Variants in EYS observed in about 807,000 individuals in gnomAD.
The protein encoded by EYS is protein eyes shut homolog.
EYS carries 250 observed loss-of-function variants against 282.1 expected under a neutral mutation model. The observed-to-expected ratio is 0.89, with a 90% CI of 0.80 to 0.98. The LOEUF is 0.98. EYS is among the 50% of genes least tolerant of loss of function. EYS has a pLI of 0.00. For synonymous variants in EYS, 1,355 were observed against 1,282.9 expected, an observed-to-expected ratio of 1.06 and a Z score of -1.20; for missense variants, 4,016 against 3,709.0, an observed-to-expected ratio of 1.08 and a Z score of -2.15.
chr6:65,219,237 T>C (rs1766396731), intron 12 of EYS, among the ~76,000 whole-genome samples: 2 of 152,152 alleles, frequency 1.3e-5, no homozygotes, highest in Admixed American at 6.5e-5. Flanking sequence ...ATGGTAGGCA[T>C]TTGCCAATAC....
chr6:65,464,542 A>G (rs1341664486), intron 5 of EYS, among the ~76,000 whole-genome samples: 7 of 152,154 alleles, frequency 4.6e-5, no homozygotes, highest in African/African-American at 1.7e-4. Flanking sequence ...ATATACAAAT[A>G]TTTTGTCTTC....
intron 2 of EYS, among the ~76,000 whole-genome samples, chr6:65,592,888 T>C (rs1425073331): frequency 2.0e-5 from 3 of 152,038 alleles, no homozygotes; most frequent in Admixed American, 2.0e-4. Flanking sequence ...TTTATTCTTT[T>C]GTGATTCCTG....
At chr6:64,647,099 G>A (rs1768380975) in intron 22 of EYS, among the ~76,000 whole-genome samples, 1 of 152,066 alleles carries the variant, frequency 6.6e-6, no homozygotes, top group South Asian at 2.1e-4. Flanking sequence ...ACTTCAAGAA[G>A]TAATATTTAC....
intron 12 of EYS, among the ~76,000 whole-genome samples, chr6:65,091,430 A>G (rs1256856238): frequency 1.3e-5 from 2 of 148,794 alleles, no homozygotes; most frequent in African/African-American, 5.0e-5. Context: ...AGACTGGGTG[A>G]GAGAGCGAGA....
chr6:64,964,001 C>A (rs1770014544), intron 14 of EYS, among the ~76,000 whole-genome samples: 1 of 151,966 alleles, frequency 6.6e-6, no homozygotes, highest in Non-Finnish European at 1.5e-5. Flanking sequence ...GTTAATATTT[C>A]CTGTTAGAGA....
chr6:65,092,630 T>C (rs188291418), intron 12 of EYS, among the ~76,000 whole-genome samples: 39 of 152,296 alleles, frequency 2.6e-4, no homozygotes, highest in African/African-American at 9.1e-4. Context: ...CAGCCAGGCA[T>C]AGTTTTTTAG....
intron 26 of EYS, among the ~76,000 whole-genome samples, chr6:64,464,853 A>T (rs544397416): frequency 6.6e-6 from 1 of 152,170 alleles, no homozygotes; most frequent in East Asian, 1.9e-4. Context: ...CCAAATGTAA[A>T]CTACAGCTAC....
intron 2 of EYS, among the ~76,000 whole-genome samples, chr6:65,627,307 A>G (rs1301975007): frequency 6.6e-6 from 1 of 151,844 alleles, no homozygotes; most frequent in Non-Finnish European, 1.5e-5. Flanking sequence ...GAACAAGTTT[A>G]ACAAAGAGAA....
At chr6:64,104,840 A>G (rs1486898375) in intron 31 of EYS, among the ~76,000 whole-genome samples, 2 of 149,030 alleles carry the variant, frequency 1.3e-5, no homozygotes, top group African/African-American at 2.5e-5. Context: ...TAAAATTGTT[A>G]TGACATCTTG....
chr6:64,320,601 C>T (rs1770179051), intron 29 of EYS, among the ~76,000 whole-genome samples: 2 of 150,248 alleles, frequency 1.3e-5, no homozygotes, highest in Admixed American at 6.7e-5. Context: ...TTCTTCAGTC[C>T]TTAGACAAAT....
chr6:65,238,548 C>A (rs1035646643), intron 12 of EYS, among the ~76,000 whole-genome samples: 2 of 151,772 alleles, frequency 1.3e-5, no homozygotes, highest in Non-Finnish European at 2.9e-5. Context: ...CTTTTCTATT[C>A]TTTGTGTGTG....
intron 22 of EYS, among the ~76,000 whole-genome samples, chr6:64,741,784 T>G (rs567892549): frequency 6.6e-6 from 1 of 152,300 alleles, no homozygotes; most frequent in South Asian, 2.1e-4. Context: ...CTTCCTCACC[T>G]CTTTCAGCCT....
chr6:64,239,130 C>A (rs548520257), intron 30 of EYS, among the ~76,000 whole-genome samples: 2 of 152,298 alleles, frequency 1.3e-5, no homozygotes, highest in African/African-American at 2.4e-5. Flanking sequence ...ACATGTGCCA[C>A]ATTTTCTTTA....
intron 13 of EYS, among the ~76,000 whole-genome samples, chr6:65,046,173 C>A (rs530827207): frequency 6.6e-6 from 1 of 151,828 alleles, no homozygotes; most frequent in African/African-American, 2.4e-5. Flanking sequence ...CTATGCAACT[C>A]CTCTTAGGCT....
chr6:65,012,737 T>C (rs913557403), intron 13 of EYS, among the ~76,000 whole-genome samples: 1 of 150,168 alleles, frequency 6.7e-6, no homozygotes, highest in African/African-American at 2.5e-5. Context: ...TTGATATCAT[T>C]AGTGTCCATA....
At chr6:65,449,004 TC>T (rs532931446) in intron 5 of EYS, among the ~76,000 whole-genome samples, 5 of 152,100 alleles carry the variant, frequency 3.3e-5, no homozygotes, top group Non-Finnish European at 7.4e-5. Context: ...TGAATTTGGT[TC>T]TCACCTTAAG....
chr6:65,293,404 A>G (rs556020127), intron 12 of EYS, among the ~76,000 whole-genome samples: 9 of 151,954 alleles, frequency 5.9e-5, no homozygotes, highest in Admixed American at 2.0e-4. Context: ...AGTTTCAGAA[A>G]ATTGATTGGA....
chr6:63,912,810 C>G (rs1414631772), intron 35 of EYS, among the ~76,000 whole-genome samples: 1 of 151,332 alleles, frequency 6.6e-6, no homozygotes, highest in African/African-American at 2.4e-5. Context: ...TCCTACTCCC[C>G]CTTTGCCTTC....
At chr6:64,208,275 T>C (rs995664071) in intron 31 of EYS, among the ~76,000 whole-genome samples, 2 of 152,176 alleles carry the variant, frequency 1.3e-5, no homozygotes, top group Non-Finnish European at 2.9e-5. Flanking sequence ...CCAATATTGG[T>C]TGTAATATTA....
Sources: gnomAD v4.1 joint callset for allele counts (sites outside exome capture counted in the v4.1 genomes callset) on GRCh38, gnomAD v4.1.1 for gene constraint, MANE v1.5 for transcripts, NCBI Gene and HGNC (gene_info 2026-07-23, HGNC 2026-07-21) for gene names.